The following SNRPN variants were observed in gnomAD, a reference collection of about 807,000 sequenced individuals.
SNRPN encodes the protein small nuclear ribonucleoprotein-associated protein N.
A neutral mutation model predicts 25.2 loss-of-function variants in SNRPN; 7 were observed. That is an observed-to-expected ratio of 0.28 (90% CI 0.16 to 0.52). The LOEUF is 0.52. Ranked by LOEUF, SNRPN falls within the 20% of genes least tolerant of loss-of-function variation. The pLI is 0.96. For synonymous variants in SNRPN, 124 were observed against 110.6 expected (o/e 1.12, Z -0.76); for missense variants, 196 against 322.5 (o/e 0.61, Z 3.00).
chr15:24,972,898 C>T (rs1310098896), intron 3 of SNRPN, among the ~76,000 whole-genome samples: 1 of 151,640 alleles, frequency 6.6e-6, no homozygotes, highest in Non-Finnish European at 1.5e-5. Flanking sequence ...CCCACCACCC[C>T]CAACCCTGAG....
At chr15:24,909,596 C>T in intron 2 of SNRPN, 1 of 1,255,272 alleles carries the variant, frequency 8.0e-7, no homozygotes, top group Middle Eastern at 2.7e-4. Flanking sequence ...ATATGCTGTG[C>T]AGACTATCAT....
chr15:24,964,198 G>T (rs1292291382), intron 2 of SNRPN, among the ~76,000 whole-genome samples: 1 of 151,898 alleles, frequency 6.6e-6, no homozygotes, highest in Non-Finnish European at 1.5e-5. Context: ...CGTATTTTAT[G>T]TACGTTTTGT....
chr15:24,831,822 G>A (rs887377536), intron 2 of SNRPN, among the ~76,000 whole-genome samples: 2 of 151,948 alleles, frequency 1.3e-5, no homozygotes, highest in Admixed American at 6.6e-5. Flanking sequence ...TTTTAAGGCC[G>A]ATAATATCCT....
chr15:24,958,261 A>G (rs1026937000), intron 1 of SNRPN, among the ~76,000 whole-genome samples: 30 of 152,206 alleles, frequency 2.0e-4, no homozygotes, highest in Non-Finnish European at 1.2e-4. Context: ...TCCTTTGTTT[A>G]TCAGCGCCCT....
chr15:24,963,520 CAGG>C (rs1440224810), intron 2 of SNRPN, among the ~76,000 whole-genome samples: 1 of 150,280 alleles, frequency 6.7e-6, no homozygotes, highest in African/African-American at 2.5e-5. Context: ...GAGGCTGAGG[CAGG>C]AGAATTGTTT....
chr15:24,947,535 A>G (rs2061959663), intron 3 of SNRPN, among the ~76,000 whole-genome samples: 1 of 152,180 alleles, frequency 6.6e-6, no homozygotes, highest in Admixed American at 6.5e-5. Flanking sequence ...AGGCTGAGGT[A>G]GAGAATTGCC....
At chr15:24,925,518 C>G (rs2060318661) in intron 3 of SNRPN, among the ~76,000 whole-genome samples, 1 of 152,166 alleles carries the variant, frequency 6.6e-6, no homozygotes, top group Admixed American at 6.5e-5. Flanking sequence ...CCCAGTTCCT[C>G]TGCTCTCATT....
At chr15:24,873,500 T>A (rs2055432744) in intron 1 of SNRPN, among the ~76,000 whole-genome samples, 1 of 144,708 alleles carries the variant, frequency 6.9e-6, no homozygotes, top group South Asian at 2.3e-4. Flanking sequence ...CAGGCTAGAG[T>A]GCAGTGGTGC....
At chr15:24,969,352 C>G (rs1297619292) in intron 3 of SNRPN, among the ~76,000 whole-genome samples, 1 of 151,560 alleles carries the variant, frequency 6.6e-6, no homozygotes, top group Non-Finnish European at 1.5e-5. Flanking sequence ...TGGTCTCAAA[C>G]TCCTGAACTC....
chr15:24,832,694 C>T (rs2050649323), intron 2 of SNRPN, among the ~76,000 whole-genome samples: 1 of 152,080 alleles, frequency 6.6e-6, no homozygotes, highest in Non-Finnish European at 1.5e-5. Context: ...CTCTTTGGGT[C>T]CATGGCATCT....
At chr15:24,937,252 A>G (rs1304355194) in intron 3 of SNRPN, among the ~76,000 whole-genome samples, 1 of 152,182 alleles carries the variant, frequency 6.6e-6, no homozygotes, top group Non-Finnish European at 1.5e-5. Flanking sequence ...ACAAACAAAC[A>G]AACAAAAAAA....
Position 24,863,049 on chromosome 15 carries a change from T to C in SNRPN, c.-579+6333T>C, listed in dbSNP as rs1371478524. Among the ~76,000 whole-genome samples the C allele has an allele frequency of 2.6e-5, 4 of 150,988 alleles. No individual in the cohort carries two copies. The East Asian group carries it at 7.8e-4, about 30-fold the overall frequency. The stretch of plus-strand genomic sequence containing the variant: ...GGAGTTCGAATGCCTTTTCTTCTTT[T>C]AAGTGTTACTCACAATCCATGAGAT... On this transcript the variant is annotated intron_variant, in intron 1 of 11. Transcript: ENST00000400097.
At position 24,834,751 on chromosome 15, in the gene SNRPN, C is replaced by CTCTCTATATA; in HGVS notation, c.-579+4847_-579+4848insCTCTATATAT. On this transcript the variant is annotated intron_variant, in intron 2 of 12. Transcript: ENST00000400100. ...TCCCTCTCTCTCTCTCTCTCTCTCTCTATATATATATATATATATATATAT... is the reference window on the plus strand; with the variant it reads ...TCCCTCTCTCTCTCTCTCTCTCTCTCTCTCTATATATATATATATATATATATATATATAT... Among the ~76,000 whole-genome samples the CTCTCTATATA allele has an allele frequency of 3.0e-3, 182 of 60,946 alleles. 2 individuals carry two copies. The highest frequency in any genetic ancestry group is 4.5e-3 in the Non-Finnish European group (135 of 30,228). The allele number at this position is 60,946 out of a possible 152,430, so 40.0% of individuals were successfully genotyped here. A position where few individuals can be genotyped will look rare whatever the true frequency, so the allele number is the denominator to read the frequency against.
At chr15:24,864,984 T>C (rs971214387) in intron 1 of SNRPN, among the ~76,000 whole-genome samples, 3 of 151,826 alleles carry the variant, frequency 2.0e-5, no homozygotes, top group African/African-American at 4.8e-5. Context: ...CCCTACAGCA[T>C]GTATACTGAA....
chr15:24,849,670 C>G (rs2052623484), intron 2 of SNRPN: 1 of 152,200 alleles, frequency 6.6e-6, no homozygotes. Context: ...GCTAGCTGCT[C>G]TGTTACTAGG....
intron 1 of SNRPN, among the ~76,000 whole-genome samples, chr15:24,858,599 A>G (rs1001149330): frequency 9.9e-5 from 15 of 151,928 alleles, no homozygotes; most frequent in Non-Finnish European, 2.9e-5. Flanking sequence ...GTTTGATACT[A>G]GCCTGGACAA....
intron 2 of SNRPN, among the ~76,000 whole-genome samples, chr15:24,913,808 G>A (rs1467572038): frequency 6.6e-6 from 1 of 152,150 alleles, no homozygotes. Flanking sequence ...ATCTACACAT[G>A]GAAAATACCC....
chr15:24,867,320 T>A (rs1282427057), intron 1 of SNRPN, among the ~76,000 whole-genome samples: 2 of 152,106 alleles, frequency 1.3e-5, no homozygotes, highest in African/African-American at 4.8e-5. Flanking sequence ...ACAGGTATAA[T>A]ATCTCATTTT....
rs150232984 is a variant in SNRPN at position 24,847,341 on chromosome 15, T to C, written c.-579+17436T>C. Among the ~76,000 whole-genome samples, 400 of 152,206 alleles carry C rather than the reference T, an allele frequency of 2.6e-3. 3 individuals carry two copies. Among genetic ancestry groups the C allele is most frequent in the African/African-American group, 9.0e-3 (373 of 41,548 alleles). ...TTGAGCAGGATTTTTCTTATATTTA[T>C]TTAAAAACTAAAATATTGGCCGGGC... On this transcript the variant is annotated intron_variant, in intron 2 of 12. Coordinates refer to the SNRPN transcript ENST00000400100.
Sources: allele counts gnomAD v4.1 joint callset (sites outside exome capture counted in the v4.1 genomes callset), GRCh38; gene constraint gnomAD v4.1.1; transcripts MANE v1.5; gene names NCBI Gene and HGNC (gene_info 2026-07-23, HGNC 2026-07-21).